PTPRG: variants seen among roughly 807,000 people sequenced by gnomAD.
The protein encoded by PTPRG is receptor-type tyrosine-protein phosphatase gamma.
A neutral mutation model predicts 165.3 loss-of-function variants in PTPRG; 102 were observed. The ratio of observed to expected loss-of-function variants is 0.62; its 90% CI spans 0.53 to 0.73. The LOEUF (loss-of-function observed/expected upper bound fraction) is 0.73. PTPRG is among the 30% of genes least tolerant of loss of function. The pLI is 0.00. For missense variants in PTPRG, 1,866 were observed against 1,861.4 expected, an observed-to-expected ratio of 1.00 and a Z score of -0.05; for synonymous variants, 675 against 669.5, an observed-to-expected ratio of 1.01 and a Z score of -0.13.
intron 2 of PTPRG, among the ~76,000 whole-genome samples, chr3:61,801,616 G>C (rs1260168900): frequency 6.6e-6 from 1 of 152,166 alleles, no homozygotes; most frequent in East Asian, 1.9e-4. Context: ...AATAACGTCT[G>C]TGTTGGCCTC....
intron 2 of PTPRG, among the ~76,000 whole-genome samples, chr3:61,773,302 G>C (rs1315125590): frequency 1.3e-5 from 2 of 152,130 alleles, no homozygotes; most frequent in East Asian, 3.9e-4. Context: ...TTACCAGGTA[G>C]AATATTTGAG....
In PTPRG at chr3:61,869,396, T is replaced by A. The variant is rs1024369672; in HGVS notation, c.191-120229T>A. ...TAAAGTCATGTTTCATTATTTTGGC[T>A]GCATGACTTAAAAAATGTCATGACC... On this transcript the variant is annotated intron_variant, in intron 2 of 29. Coordinates refer to ENST00000474889, the MANE Select transcript of PTPRG (RefSeq NM_002841.4). Among the ~76,000 whole-genome samples the A allele has an allele frequency of 3.3e-5, 5 of 152,334 alleles. No homozygotes were observed. The South Asian group carries it at 1.0e-3, about 32-fold the overall frequency.
At chr3:61,857,625 C>G (rs2037149124) in intron 2 of PTPRG, among the ~76,000 whole-genome samples, 1 of 152,100 alleles carries the variant, frequency 6.6e-6, no homozygotes, top group African/African-American at 2.4e-5. Context: ...GGGTTGAGAT[C>G]CTATATATCA....
At chr3:61,756,153 G>A (rs139431047) in intron 2 of PTPRG, among the ~76,000 whole-genome samples, 92 of 152,262 alleles carry the variant, frequency 6.0e-4, no homozygotes, top group African/African-American at 2.2e-3. Flanking sequence ...GAAGAATTTT[G>A]ACTAGAACCT....
intron 2 of PTPRG, among the ~76,000 whole-genome samples, chr3:61,765,958 G>A (rs2034002656): frequency 6.6e-6 from 1 of 152,130 alleles, no homozygotes; most frequent in South Asian, 2.1e-4. Context: ...CCGCTTCTAT[G>A]GAGCTCAAAG....
At chr3:61,933,716 C>T (rs138983838) in intron 2 of PTPRG, among the ~76,000 whole-genome samples, 4 of 152,300 alleles carry the variant, frequency 2.6e-5, no homozygotes, top group Non-Finnish European at 4.4e-5. Flanking sequence ...CCATGGTTTC[C>T]TCTCCATTTT....
chr3:61,916,494 G>A (rs1266759156), intron 2 of PTPRG, among the ~76,000 whole-genome samples: 1 of 152,014 alleles, frequency 6.6e-6, no homozygotes, highest in African/African-American at 2.4e-5. Context: ...AAACTGTGCT[G>A]AGAAAAAAAA....
intron 1 of PTPRG, among the ~76,000 whole-genome samples, chr3:61,625,057 A>G (rs1701569682): frequency 6.6e-6 from 1 of 151,528 alleles, no homozygotes; most frequent in Non-Finnish European, 1.5e-5. Context: ...CCCTTTACGC[A>G]TATCTCTGTG....
intron 8 of PTPRG, among the ~76,000 whole-genome samples, chr3:62,191,152 G>A (rs942328085): frequency 7.2e-5 from 11 of 151,966 alleles, no homozygotes; most frequent in African/African-American, 1.7e-4. Flanking sequence ...TCCCGTGCAC[G>A]TGTGTGTGCG....
At chr3:61,969,631 A>G (rs1166146045) in intron 2 of PTPRG, among the ~76,000 whole-genome samples, 1 of 152,058 alleles carries the variant, frequency 6.6e-6, no homozygotes, top group Admixed American at 6.6e-5. Context: ...CCTTTTAGAA[A>G]GTTTTTTCCA....
At chr3:62,140,517 C>A (rs912554863) in intron 6 of PTPRG, among the ~76,000 whole-genome samples, 1 of 152,032 alleles carries the variant, frequency 6.6e-6, no homozygotes, top group Non-Finnish European at 1.5e-5. Flanking sequence ...ACAGGTCCAT[C>A]CACAAAATTA....
chr3:62,093,108 AC>A (rs1701996235), intron 5 of PTPRG, among the ~76,000 whole-genome samples: 1 of 152,172 alleles, frequency 6.6e-6, no homozygotes, highest in African/African-American at 2.4e-5. Flanking sequence ...GATGGCCTGA[AC>A]ATCGGTATTT....
At chr3:62,070,050 A>C (rs889612749) in intron 4 of PTPRG, among the ~76,000 whole-genome samples, 2 of 152,226 alleles carry the variant, frequency 1.3e-5, no homozygotes, top group African/African-American at 4.8e-5. Context: ...AAAACAAAAT[A>C]CCCAGAGTGT....
intron 2 of PTPRG, among the ~76,000 whole-genome samples, chr3:61,793,577 T>A (rs1488635131): frequency 6.6e-6 from 1 of 152,188 alleles, no homozygotes; most frequent in Non-Finnish European, 1.5e-5. Flanking sequence ...TTTATTTGAC[T>A]TACATTTATG....
intron 8 of PTPRG, among the ~76,000 whole-genome samples, chr3:62,185,534 A>G (rs72874699): frequency 0.016 from 2,408 of 152,126 alleles, 33 homozygotes; most frequent in Middle Eastern, 0.041. Flanking sequence ...GGGGCCAGAG[A>G]GCTGCCGGGG....
intron 1 of PTPRG, among the ~76,000 whole-genome samples, chr3:61,715,343 A>G (rs927970121): frequency 1.3e-5 from 2 of 151,802 alleles, no homozygotes; most frequent in East Asian, 1.9e-4. Flanking sequence ...CAGCCTCCCT[A>G]GTAGCTGGGA....
intron 5 of PTPRG, among the ~76,000 whole-genome samples, chr3:62,109,597 A>T (rs1015191019): frequency 3.3e-5 from 5 of 152,124 alleles, no homozygotes; most frequent in Admixed American, 2.6e-4. Context: ...TAGCTGGTGC[A>T]GCAGTGGGTT....
rs1704560070 is a variant in PTPRG, at chr3:62,156,980, C to T, written c.683-87C>T. 1.4e-5 allele frequency: 17 copies of T among 1,220,048 alleles called. No homozygotes were observed. The East Asian group carries it at 3.8e-4, about 27-fold the overall frequency. 75.6% of individuals were successfully genotyped at this position (1,220,048 alleles called of 1,614,324 possible). A position where few individuals can be genotyped will look rare whatever the true frequency, so the allele number is the denominator to read the frequency against. ...AAACATAAGGCTTGCGATGTGGCAC[C>T]AGCATGCCGAGGGTGTTGACTGTGT... is the stretch of plus-strand genomic sequence containing the variant. On this transcript the variant is annotated intron_variant, in intron 6 of 29. Transcript: ENST00000474889.
At chr3:61,933,201 C>T (rs980490307) in intron 2 of PTPRG, among the ~76,000 whole-genome samples, 1 of 152,174 alleles carries the variant, frequency 6.6e-6, no homozygotes, top group African/African-American at 2.4e-5. Flanking sequence ...TTTCTCTTTT[C>T]AACTTCAGGT....
Sources: allele counts gnomAD v4.1 joint callset (sites outside exome capture counted in the v4.1 genomes callset), GRCh38; gene constraint gnomAD v4.1.1; transcripts MANE v1.5; gene names NCBI Gene and HGNC (gene_info 2026-07-23, HGNC 2026-07-21).